Variants in CABLES2 observed in about 807,000 individuals in gnomAD.
CABLES2 encodes CDK5 and ABL1 enzyme substrate 2.
Under a neutral mutation model 44.8 loss-of-function variants are expected in CABLES2, and 35 were observed. The ratio of observed to expected loss-of-function variants is 0.78; its 90% CI spans 0.60 to 1.04. The LOEUF (loss-of-function observed/expected upper bound fraction) is 1.04, where lower values mean the gene tolerates loss of function less well. CABLES2 is among the 50% of genes least tolerant of loss of function. The pLI, the probability that CABLES2 is intolerant of heterozygous loss-of-function variation, is 0.00. For synonymous variants in CABLES2, 282 were observed against 281.1 expected (o/e 1.00, Z -0.03); for missense variants, 566 against 615.7 (o/e 0.92, Z 0.85).
chr20:62,398,307 CGGT>C (rs1468900900), intron 1 of CABLES2, among the ~76,000 whole-genome samples: 4 of 102,246 alleles, frequency 3.9e-5, no homozygotes, highest in Admixed American at 2.8e-4. Flanking sequence ...ATGGTGATGA[CGGT>C]GGTGATGGCA....
In CABLES2 at chr20:62,391,246, C is replaced by A. The variant is rs1459752052; in HGVS notation, c.1296+3G>T. 1 of 1,605,622 alleles carries A rather than the reference C, an allele frequency of 6.2e-7. No homozygotes were observed. Among genetic ancestry groups the A allele is most frequent in the Non-Finnish European group, 8.5e-7 (1 of 1,174,540 alleles). On this transcript the variant is annotated splice_donor_region_variant and intron_variant, in intron 9 of 9. Transcript: ENST00000279101. The surrounding 1 kb of genome is among the most constrained non-coding windows in gnomAD (Gnocchi z 5.7). Reference sequence around the variant, plus strand: ...TGCAGTGCCTGCCGAGCCGGGCACTCACATCGATGAGCTGCGTCACGCCGC... The same window carrying A: ...TGCAGTGCCTGCCGAGCCGGGCACTAACATCGATGAGCTGCGTCACGCCGC...
intron 1 of CABLES2, among the ~76,000 whole-genome samples, chr20:62,400,055 G>A (rs777605811): frequency 1.9e-4 from 29 of 152,228 alleles, no homozygotes; most frequent in Non-Finnish European, 3.2e-4. Context: ...AAACAAGCTA[G>A]GATTGAAAGC....
chr20:62,404,968 TG>T (rs1198417455), intron 1 of CABLES2: 1 of 152,336 alleles, frequency 6.6e-6, no homozygotes, highest in Non-Finnish European at 1.5e-5. Context: ...ATGGAGGCTC[TG>T]GGCCTGCAGG....
intron 1 of CABLES2, among the ~76,000 whole-genome samples, chr20:62,398,045 G>T (rs1177140719): frequency 6.9e-6 from 1 of 144,714 alleles, no homozygotes; most frequent in African/African-American, 2.5e-5. Context: ...TGATGGTGAT[G>T]GTGGTGATGG....
At chr20:62,399,448 CCT>C (rs1569018442) in intron 1 of CABLES2, among the ~76,000 whole-genome samples, 4 of 150,594 alleles carry the variant, frequency 2.7e-5, no homozygotes, top group Admixed American at 2.0e-4. Context: ...GGGGTTTCAC[CCT>C]GTTAGCCAGG....
intron 1 of CABLES2, among the ~76,000 whole-genome samples, chr20:62,400,358 G>A (rs1260235475): frequency 6.6e-6 from 1 of 152,246 alleles, no homozygotes; most frequent in Admixed American, 6.5e-5. Context: ...GCATGCTGAG[G>A]GGGTGTGTGG....
chr20:62,397,581 G>T (rs1450691450), intron 1 of CABLES2, among the ~76,000 whole-genome samples: 1 of 152,178 alleles, frequency 6.6e-6, no homozygotes, highest in African/African-American at 2.4e-5. Context: ...GAGACATGAC[G>T]TGGTTCAGTA....
At chr20:62,397,941 G>GTGGTGATGGTGATGGTGATGA (rs1988056716) in intron 1 of CABLES2, among the ~76,000 whole-genome samples, 1 of 136,008 alleles carries the variant, frequency 7.4e-6, no homozygotes, top group Non-Finnish European at 1.6e-5. Context: ...GGTGGTGATG[G>GTGGTGATGGTGATGGTGATGA]TGGTGACGGT....
rs777274476 is a variant in CABLES2, at chr20:62,391,432, G to A, written c.1113C>T (p.Ser371=). 1.2e-6 allele frequency: 2 copies of A among 1,613,178 alleles called. No individual in the cohort carries two copies. Among genetic ancestry groups the A allele is most frequent in the Non-Finnish European group, 1.7e-6 (2 of 1,179,998 alleles). ...GCTCCAGGCTGCACTCCTCCGACAG[G>A]CTCCGCATCTCCCGCTTTAAGCTGT... ...KIRSLKREMR[S]LSEECSLEPV... Residue 371 remains serine (S), a synonymous_variant, in exon 9 of 10, where the codon AGC becomes AGT. Transcript: ENST00000279101. The surrounding 1 kb of genome is among the most constrained non-coding windows in gnomAD (Gnocchi z 5.7).
At chr20:62,406,149 G>A (rs1359742808) in intron 1 of CABLES2, among the ~76,000 whole-genome samples, 1 of 152,120 alleles carries the variant, frequency 6.6e-6, no homozygotes, top group African/African-American at 2.4e-5. Flanking sequence ...GGGCTCAGCA[G>A]GGAAGTGACA....
intron 1 of CABLES2, among the ~76,000 whole-genome samples, chr20:62,398,147 G>GCA (rs1988098438): frequency 8.2e-6 from 1 of 122,350 alleles, no homozygotes; most frequent in Non-Finnish European, 1.7e-5. Flanking sequence ...TGATGGTGGT[G>GCA]GTGGTGGTGA....
chr20:62,392,352 C>T, intron 8 of CABLES2, 37 bp downstream of exon 8: 1 of 1,486,512 alleles, frequency 6.7e-7, no homozygotes. Context: ...GGCAGGGCCT[C>T]CCAGGACGAT....
chr20:62,388,636 G>T lies in CABLES2; in HGVS notation c.*2335C>A. 1 of 641,646 alleles carries T rather than the reference G, an allele frequency of 1.6e-6. No individual in the cohort carries two copies. The allele number at this position is 641,646 out of a possible 1,614,324, so 39.7% of individuals were successfully genotyped here. On this transcript the variant is annotated 3_prime_UTR_variant, in exon 10 of 10. Transcript: ENST00000279101. The stretch of plus-strand genomic sequence containing the variant: ...AAGGAGACAAGCTGTGAAACATATT[G>T]CAAAACTGAGGTTTAAAGGACAAAT...
At chr20:62,392,605 G>A (rs1161101736) in intron 7 of CABLES2, 110 bp from the exon 8 acceptor site, 1 of 833,724 alleles carries the variant, frequency 1.2e-6, no homozygotes, top group Non-Finnish European at 2.0e-6. Context: ...CATGCATACG[G>A]TGTGGCTTGA....
chr20:62,398,196 A>ATGG (rs796150959), intron 1 of CABLES2, among the ~76,000 whole-genome samples: 2 of 68,320 alleles, frequency 2.9e-5, no homozygotes, highest in Non-Finnish European at 5.9e-5. Flanking sequence ...GATGGTGATG[A>ATGG]TGGTGGTGAT....
At chr20:62,406,755 GCCTCT>G (rs1988298541) in intron 1 of CABLES2, among the ~76,000 whole-genome samples, 155 bp downstream of exon 1, 1 of 149,748 alleles carries the variant, frequency 6.7e-6, no homozygotes, top group African/African-American at 2.5e-5. Context: ...CTTTGTCCTG[GCCTCT>G]GTCCAGGGCT....
In CABLES2 at chr20:62,390,517, A is replaced by G. The variant is rs1987894556; in HGVS notation, c.*454T>C. On this transcript the variant is annotated 3_prime_UTR_variant, in exon 10 of 10. Coordinates refer to ENST00000279101, the MANE Select transcript of CABLES2 (RefSeq NM_031215.3). ...TCCAAGATGAATGCCTAAATAAGTT[A>G]AACTCAGCCATTCCAGTGTGTTCAG... The G allele has an allele frequency of 6.3e-6, 1 of 159,828 alleles. No individual in the cohort carries two copies. The highest frequency in any genetic ancestry group is 1.8e-4 in the South Asian group (1 of 5,510). 9.9% of individuals were successfully genotyped at this position (159,828 alleles called of 1,614,324 possible).
At chr20:62,398,308 G>A (rs1432130164) in intron 1 of CABLES2, among the ~76,000 whole-genome samples, 3 of 148,624 alleles carry the variant, frequency 2.0e-5, no homozygotes, top group South Asian at 2.1e-4. Flanking sequence ...TGGTGATGAC[G>A]GTGGTGATGG....
chr20:62,393,967 G>A (rs902480247), intron 5 of CABLES2, among the ~76,000 whole-genome samples, 190 bp downstream of exon 5: 29 of 152,316 alleles, frequency 1.9e-4, no homozygotes, highest in African/African-American at 5.5e-4. Flanking sequence ...GCACGGCCAG[G>A]CGGGGGAGTC....
Sources: allele counts gnomAD v4.1 joint callset (sites outside exome capture counted in the v4.1 genomes callset), GRCh38; gene constraint gnomAD v4.1.1; non-coding constraint Gnocchi (gnomAD v3.1); transcripts MANE v1.5; gene names NCBI Gene and HGNC (gene_info 2026-07-23, HGNC 2026-07-21).